Variants in NEK5 observed in about 807,000 individuals in gnomAD.
NEK5 encodes serine/threonine-protein kinase Nek5.
A neutral mutation model predicts 109.2 loss-of-function variants in NEK5; 88 were observed. That is an observed-to-expected ratio of 0.81 (90% CI 0.68 to 0.96). NEK5 has a LOEUF of 0.96. NEK5 is among the 40% of genes least tolerant of loss of function. The pLI, the probability that NEK5 is intolerant of heterozygous loss-of-function variation, is 0.00. For synonymous variants in NEK5, 283 were observed against 299.9 expected (o/e 0.94, Z 0.58); for missense variants, 834 against 920.7 (o/e 0.91, Z 1.22).
At chr13:52,088,233 C>A (rs534578085) in intron 14 of NEK5, among the ~76,000 whole-genome samples, 1 of 146,656 alleles carries the variant, frequency 6.8e-6, no homozygotes, top group Non-Finnish European at 1.5e-5. Context: ...CTGGCCTAAT[C>A]ACTTTTTTGT....
chr13:52,079,801 G>C (rs1202569260), intron 17 of NEK5, among the ~76,000 whole-genome samples: 1 of 145,984 alleles, frequency 6.9e-6, no homozygotes, highest in East Asian at 2.1e-4. Flanking sequence ...TGGCTGCCCA[G>C]TCTGGAAAGT....
At chr13:52,124,639 C>T (rs1023752085) in intron 3 of NEK5, among the ~76,000 whole-genome samples, 2 of 152,082 alleles carry the variant, frequency 1.3e-5, no homozygotes, top group African/African-American at 4.8e-5. Flanking sequence ...AATTTTTGTA[C>T]CATGACTTCA....
At chr13:52,074,201 C>T (rs1045381577) in intron 19 of NEK5, among the ~76,000 whole-genome samples, 1 of 152,024 alleles carries the variant, frequency 6.6e-6, no homozygotes, top group Admixed American at 6.6e-5. Flanking sequence ...AAGAACAACG[C>T]CAGAGTCGTC....
At chr13:52,044,711 G>C (rs1954441542) in intron 23 of NEK5, among the ~76,000 whole-genome samples, 1 of 152,118 alleles carries the variant, frequency 6.6e-6, no homozygotes, top group South Asian at 2.1e-4. Flanking sequence ...AAGATTTGTG[G>C]GTCTGGCTGT....
chr13:52,108,487 A>G (rs1955696753), intron 7 of NEK5, 83 bp from the exon 8 acceptor site: 7 of 789,082 alleles, frequency 8.9e-6, no homozygotes, highest in Non-Finnish European at 1.3e-5. Flanking sequence ...TGCAAGAAAA[A>G]ATGTGAAAAT....
At chr13:52,049,147 G>GT (rs536461952) in intron 23 of NEK5, among the ~76,000 whole-genome samples, 7 of 152,218 alleles carry the variant, frequency 4.6e-5, no homozygotes, top group African/African-American at 1.7e-4. Flanking sequence ...TTTAGGACAA[G>GT]TGCAGTGGCT....
chr13:52,083,148 GA>G (rs568740084), intron 17 of NEK5, 111 bp downstream of exon 17: 18,390 of 551,888 alleles, frequency 0.033, 8 homozygotes, highest in South Asian at 0.057. Flanking sequence ...CCGTCTCATA[GA>G]AAAAAAAAAA....
chr13:52,084,138 G>T (rs1427339325), intron 16 of NEK5, among the ~76,000 whole-genome samples: 2 of 152,182 alleles, frequency 1.3e-5, no homozygotes, highest in African/African-American at 4.8e-5. Context: ...TGCACCTACA[G>T]GGCTTACTCT....
At chr13:52,061,749 T>C in intron 22 of NEK5, 70 bp downstream of exon 22, 1 of 615,258 alleles carries the variant, frequency 1.6e-6, no homozygotes, top group Non-Finnish European at 2.0e-6. Context: ...TTTTATCCCC[T>C]TTCAGCATTT....
intron 14 of NEK5, among the ~76,000 whole-genome samples, chr13:52,088,248 GGTTTTTGTT>G (rs1313061146): frequency 3.9e-4 from 57 of 146,476 alleles, no homozygotes; most frequent in Admixed American, 9.6e-4. Context: ...TTTTGTTGTT[GGTTTTTGTT>G]TTTTTTGTTT....
At chr13:52,054,779 C>T (rs1465047127) in intron 22 of NEK5, among the ~76,000 whole-genome samples, 2 of 151,682 alleles carry the variant, frequency 1.3e-5, no homozygotes, top group African/African-American at 4.8e-5. Flanking sequence ...AAGGGACATC[C>T]ACACCAAAAA....
At chr13:52,113,510 A>C (rs1955795627) in intron 4 of NEK5, among the ~76,000 whole-genome samples, 1 of 152,232 alleles carries the variant, frequency 6.6e-6, no homozygotes, top group African/African-American at 2.4e-5. Context: ...GAATGAAATG[A>C]ATGAAATATA....
intron 21 of NEK5, among the ~76,000 whole-genome samples, chr13:52,063,824 C>A (rs1954637851): frequency 6.6e-6 from 1 of 150,816 alleles, no homozygotes; most frequent in Non-Finnish European, 1.5e-5. Flanking sequence ...AAGTGAGGAG[C>A]CCCTTCGCCC....
At chr13:52,065,083 A>C (rs2137760768) in intron 21 of NEK5, 1 of 244,754 alleles carries the variant, frequency 4.1e-6, no homozygotes, top group East Asian at 9.1e-5. Flanking sequence ...ACCCTGCCAA[A>C]TCCCCCTCTG....
At chr13:52,086,472 GA>G in intron 15 of NEK5, 109 bp from the exon 16 acceptor site, 2 of 722,394 alleles carry the variant, frequency 2.8e-6, no homozygotes, top group South Asian at 3.3e-5. Flanking sequence ...AATAAGGTTA[GA>G]AAAATATGTT....
intron 9 of NEK5, among the ~76,000 whole-genome samples, chr13:52,103,183 C>G (rs549781090): frequency 6.6e-6 from 1 of 152,210 alleles, no homozygotes; most frequent in Non-Finnish European, 1.5e-5. Context: ...AATCCCAGCA[C>G]TCTGGGAGGC....
Position 52,093,181 on chromosome 13 carries a change from AATAATC to A in NEK5, c.1075_1080del (p.Asp359_Tyr360del), listed in dbSNP as rs769390357. On this transcript the variant is annotated inframe_deletion, in exon 13 of 24. Coordinates refer to ENST00000684899, the MANE Select transcript of NEK5 (RefSeq NM_001365552.1). ...CTCAGCATATCAAGTTGAGCATAAT[AATAATC>A]ATAATGTCCACAGACAGCAGCAATT... 152 of 1,613,610 alleles carry A rather than the reference AATAATC, an allele frequency of 9.4e-5. No homozygotes were observed. Among genetic ancestry groups the A allele is most frequent in the Non-Finnish European group, 1.2e-4 (146 of 1,179,700 alleles).
intron 21 of NEK5, among the ~76,000 whole-genome samples, chr13:52,063,588 G>A (rs1954634268): frequency 1.3e-5 from 2 of 150,998 alleles, no homozygotes; most frequent in African/African-American, 4.9e-5. Context: ...GGAAAGTGAG[G>A]AGCGTCTCTG....
At chr13:52,053,439 T>C (rs2137700781) in intron 22 of NEK5, among the ~76,000 whole-genome samples, 1 of 152,332 alleles carries the variant, frequency 6.6e-6, no homozygotes, top group Admixed American at 6.5e-5. Flanking sequence ...GAGTGCCCTA[T>C]TTTTAATTTT....
Sources: allele counts gnomAD v4.1 joint callset (sites outside exome capture counted in the v4.1 genomes callset), GRCh38; gene constraint gnomAD v4.1.1; transcripts MANE v1.5; gene names NCBI Gene and HGNC (gene_info 2026-07-23, HGNC 2026-07-21).